Variants in KLHL2 observed in about 807,000 individuals in gnomAD.
KLHL2 encodes kelch-like protein 2.
Under a neutral mutation model 75.8 loss-of-function variants are expected in KLHL2, and 15 were observed. That is an observed-to-expected ratio of 0.20 (90% CI 0.13 to 0.30). The LOEUF (loss-of-function observed/expected upper bound fraction) is 0.30, where lower values mean the gene tolerates loss of function less well. Ranked by LOEUF, KLHL2 falls within the 10% of genes least tolerant of loss-of-function variation. The pLI, the probability that KLHL2 is intolerant of heterozygous loss-of-function variation, is 1.00. For missense variants in KLHL2, 381 were observed against 741.0 expected (o/e 0.51, Z 5.64); for synonymous variants, 214 against 251.9 (o/e 0.85, Z 1.42).
intron 1 of KLHL2, among the ~76,000 whole-genome samples, chr4:165,210,370 C>T (rs537895916): frequency 4.6e-5 from 7 of 152,312 alleles, no homozygotes; most frequent in South Asian, 2.1e-4. Flanking sequence ...TCTGTACCCA[C>T]CATTCCTGGT....
intron 3 of KLHL2, among the ~76,000 whole-genome samples, chr4:165,230,755 T>C (rs984713560): frequency 6.6e-6 from 1 of 152,190 alleles, no homozygotes; most frequent in African/African-American, 2.4e-5. Flanking sequence ...GGAGAGCTTA[T>C]TATGTTTTTA....
chr4:165,285,063 A>G (rs780077328), intron 5 of KLHL2, among the ~76,000 whole-genome samples: 20 of 152,196 alleles, frequency 1.3e-4, no homozygotes, highest in Non-Finnish European at 2.9e-4. Flanking sequence ...TTACAAGATG[A>G]GATTTGGATG....
chr4:165,243,146 C>CTATGTCATTAGATGTGTTAAT (rs1176753342), intron 4 of KLHL2, among the ~76,000 whole-genome samples: 2 of 152,080 alleles, frequency 1.3e-5, no homozygotes, highest in East Asian at 3.8e-4. Flanking sequence ...AAGATACATG[C>CTATGTCATTAGATGTGTTAAT]TATGTCATTA....
At chr4:165,209,698 T>C (rs1425904978) in intron 1 of KLHL2, among the ~76,000 whole-genome samples, 1 of 152,224 alleles carries the variant, frequency 6.6e-6, no homozygotes, top group Non-Finnish European at 1.5e-5. Context: ...AAACTTGGAA[T>C]GCCAGCATGG....
intron 4 of KLHL2, among the ~76,000 whole-genome samples, chr4:165,254,252 C>T (rs200186596): frequency 7.7e-6 from 1 of 130,168 alleles, no homozygotes; most frequent in Non-Finnish European, 1.7e-5. Flanking sequence ...ATAGCAAATA[C>T]TTTAGAAATG....
intron 4 of KLHL2, among the ~76,000 whole-genome samples, chr4:165,255,284 G>C (rs571928003): frequency 5.5e-4 from 84 of 152,248 alleles, no homozygotes; most frequent in African/African-American, 2.0e-3. Flanking sequence ...TTCTGCTTAA[G>C]AGTCAACCTC....
intron 5 of KLHL2, among the ~76,000 whole-genome samples, chr4:165,276,549 T>C (rs1743125318): frequency 6.6e-6 from 1 of 152,154 alleles, no homozygotes; most frequent in African/African-American, 2.4e-5. Flanking sequence ...ACAAAGTAAT[T>C]TTAAGATATT....
intron 4 of KLHL2, among the ~76,000 whole-genome samples, chr4:165,262,632 G>A (rs993972374): frequency 6.6e-6 from 1 of 152,108 alleles, no homozygotes; most frequent in Non-Finnish European, 1.5e-5. Flanking sequence ...AGGATGGAGT[G>A]CTGTGGGGTG....
intron 6 of KLHL2, 55 bp downstream of exon 6, chr4:165,294,523 T>A (rs77966608): frequency 7.8e-6 from 7 of 895,378 alleles, no homozygotes; most frequent in Admixed American, 2.4e-5. Flanking sequence ...TTTTTTTTTT[T>A]AATTTCACTT....
At chr4:165,264,682 ATGTG>A (rs760543186) in intron 5 of KLHL2, among the ~76,000 whole-genome samples, 31 of 68,684 alleles carry the variant, frequency 4.5e-4, no homozygotes, top group South Asian at 1.5e-3. Flanking sequence ...ACGTATATGT[ATGTG>A]TGTGTGTGTG....
chr4:165,262,910 A>T (rs570245455), intron 4 of KLHL2, among the ~76,000 whole-genome samples: 1 of 152,132 alleles, frequency 6.6e-6, no homozygotes, highest in Non-Finnish European at 1.5e-5. Context: ...TCAAAATAAC[A>T]TTTTGTTTAT....
intron 5 of KLHL2, chr4:165,278,765 A>G: frequency 1.9e-6 from 3 of 1,571,278 alleles, no homozygotes; most frequent in East Asian, 2.2e-5. Flanking sequence ...ATCAGAAAAT[A>G]CACACTTATG....
rs1579117873 is a variant in KLHL2 at position 165,283,919 on chromosome 4, A to G, written c.545-10440A>G. Among the ~76,000 whole-genome samples the G allele has an allele frequency of 2.0e-5, 3 of 152,320 alleles. No individual in the cohort carries two copies. In the East Asian group the frequency reaches 5.8e-4, roughly 29 times the overall value. Reference sequence around the variant, plus strand: ...TCTGTGTACTCACAGGCTCAACACCACGTGGAAGCTGCCAAGGCTTGAGGC... The same window carrying G: ...TCTGTGTACTCACAGGCTCAACACCGCGTGGAAGCTGCCAAGGCTTGAGGC... On this transcript the variant is annotated intron_variant, in intron 5 of 14. Coordinates refer to ENST00000226725, the MANE Select transcript of KLHL2 (RefSeq NM_007246.4).
At chr4:165,251,444 A>G (rs1216514873) in intron 4 of KLHL2, among the ~76,000 whole-genome samples, 1 of 152,132 alleles carries the variant, frequency 6.6e-6, no homozygotes, top group Non-Finnish European at 1.5e-5. Flanking sequence ...TCTCCATTCT[A>G]GTTAAATTAT....
Position 165,231,204 on chromosome 4 carries a change from A to G in KLHL2, c.259+2291A>G, listed in dbSNP as rs1202239947. 2.6e-5 allele frequency among the ~76,000 whole-genome samples: 4 copies of G among 152,210 alleles called. 1 individual carries two copies. The South Asian group carries it at 6.2e-4, about 24-fold the overall frequency. On this transcript the variant is annotated intron_variant, in intron 3 of 14. Transcript: ENST00000226725. ...TGCAATGGCTCACACCTGTAATTCC[A>G]GCACTTTAGGAGGCTGAGGCAGGTG...
At chr4:165,309,542 T>C (rs1745992277) in intron 9 of KLHL2, among the ~76,000 whole-genome samples, 1 of 152,252 alleles carries the variant, frequency 6.6e-6, no homozygotes, top group Non-Finnish European at 1.5e-5. Context: ...TGTGGTTATA[T>C]GGTCTCTGTC....
At chr4:165,299,437 T>C (rs1745182586) in intron 7 of KLHL2, 70 bp from the exon 8 acceptor site, 1 of 1,410,292 alleles carries the variant, frequency 7.1e-7, no homozygotes, top group Admixed American at 2.5e-5. Flanking sequence ...CTCCTTTACT[T>C]CTTTTTCTTT....
At chr4:165,297,336 A>G (rs1744991505) in intron 6 of KLHL2, among the ~76,000 whole-genome samples, 1 of 152,212 alleles carries the variant, frequency 6.6e-6, no homozygotes, top group Non-Finnish European at 1.5e-5. Context: ...GAAAAAGCCA[A>G]ACATGAATTG....
At chr4:165,254,252 C>A (rs200186596) in intron 4 of KLHL2, among the ~76,000 whole-genome samples, 5,516 of 102,900 alleles carry the variant, frequency 0.054, no homozygotes, top group East Asian at 0.081. Context: ...ATAGCAAATA[C>A]TTTAGAAATG....
Sources: gnomAD v4.1 joint callset for allele counts (sites outside exome capture counted in the v4.1 genomes callset) on GRCh38, gnomAD v4.1.1 for gene constraint, MANE v1.5 for transcripts, NCBI Gene and HGNC (gene_info 2026-07-23, HGNC 2026-07-21) for gene names.